ARHGAP15: variants seen among roughly 807,000 people sequenced by gnomAD.
ARHGAP15 encodes Rho GTPase activating protein 15, also known as rho GTPase-activating protein 15.
ARHGAP15 carries 51 observed loss-of-function variants against 63.7 expected under a neutral mutation model. That is an observed-to-expected ratio of 0.80 (90% CI 0.64 to 1.01). ARHGAP15 has a LOEUF of 1.01. ARHGAP15 is among the 50% of genes least tolerant of loss of function. The pLI, the probability that ARHGAP15 is intolerant of heterozygous loss-of-function variation, is 0.00. For synonymous variants in ARHGAP15, 191 were observed against 193.8 expected (o/e 0.99, Z 0.12); for missense variants, 560 against 564.6 (o/e 0.99, Z 0.08).
chr2:143,352,887 A>G (rs985107201), intron 6 of ARHGAP15, among the ~76,000 whole-genome samples: 1 of 152,184 alleles, frequency 6.6e-6, no homozygotes, highest in Non-Finnish European at 1.5e-5. Context: ...GTTGTAAATA[A>G]ATCTTTCTTA....
chr2:143,176,242 T>C (rs1691004800), intron 2 of ARHGAP15, among the ~76,000 whole-genome samples: 2 of 152,174 alleles, frequency 1.3e-5, no homozygotes, highest in South Asian at 4.1e-4. Flanking sequence ...TGAGCAATTA[T>C]ATAAGAAAAC....
chr2:143,286,077 A>AT, intron 6 of ARHGAP15, among the ~76,000 whole-genome samples: 1 of 152,204 alleles, frequency 6.6e-6, no homozygotes, highest in Non-Finnish European at 1.5e-5. Context: ...CTCTGTTGTG[A>AT]TTTAATCTTT....
At chr2:143,563,557 C>T (rs747475786) in intron 11 of ARHGAP15, among the ~76,000 whole-genome samples, 10 of 151,998 alleles carry the variant, frequency 6.6e-5, no homozygotes, top group South Asian at 2.1e-4. Flanking sequence ...AGAAGGGGAG[C>T]GAAGTCTACT....
At chr2:143,214,989 T>C (rs1266180927) in intron 3 of ARHGAP15, among the ~76,000 whole-genome samples, 1 of 152,220 alleles carries the variant, frequency 6.6e-6, no homozygotes, top group Non-Finnish European at 1.5e-5. Context: ...TACTTATTTG[T>C]TCAAACAGTT....
At chr2:143,145,839 G>GTGT (rs1689560660) in intron 1 of ARHGAP15, among the ~76,000 whole-genome samples, 3 of 142,726 alleles carry the variant, frequency 2.1e-5, no homozygotes, top group Non-Finnish European at 4.6e-5. Flanking sequence ...TATGTATAGG[G>GTGT]GTGTGTGTGT....
At chr2:143,577,450 C>T (rs1297253068) in intron 11 of ARHGAP15, among the ~76,000 whole-genome samples, 1 of 151,902 alleles carries the variant, frequency 6.6e-6, no homozygotes, top group Non-Finnish European at 1.5e-5. Flanking sequence ...GGATTTTTTT[C>T]CTTTATGTAA....
At chr2:143,664,176 T>A (rs1233696110) in intron 12 of ARHGAP15, among the ~76,000 whole-genome samples, 2 of 152,074 alleles carry the variant, frequency 1.3e-5, no homozygotes, top group African/African-American at 4.8e-5. Context: ...AGTAAAGCTC[T>A]CCTCAGCAAA....
intron 11 of ARHGAP15, among the ~76,000 whole-genome samples, chr2:143,594,190 C>T (rs1462130068): frequency 1.3e-5 from 2 of 152,098 alleles, no homozygotes; most frequent in African/African-American, 4.8e-5. Context: ...CAATGTAACT[C>T]CAGACATTAA....
chr2:143,760,224 C>CTAA (rs1319362001), intron 13 of ARHGAP15, among the ~76,000 whole-genome samples: 14 of 152,074 alleles, frequency 9.2e-5, no homozygotes, highest in Non-Finnish European at 2.1e-4. Context: ...CAAATTTTCT[C>CTAA]TAATAGAATG....
intron 6 of ARHGAP15, among the ~76,000 whole-genome samples, chr2:143,273,148 G>C (rs1405887824): frequency 6.6e-6 from 1 of 151,630 alleles, no homozygotes; most frequent in Admixed American, 6.6e-5. Flanking sequence ...ATTGCTATTT[G>C]TGAACACTAT....
chr2:143,216,542 G>A (rs1692764649), intron 4 of ARHGAP15, 97 bp downstream of exon 4: 4 of 836,986 alleles, frequency 4.8e-6, no homozygotes, highest in Middle Eastern at 2.3e-4. Context: ...AGTCCCTATG[G>A]TACCAGACTA....
intron 6 of ARHGAP15, among the ~76,000 whole-genome samples, chr2:143,269,978 T>C (rs1681190493): frequency 6.6e-6 from 1 of 152,182 alleles, no homozygotes; most frequent in Non-Finnish European, 1.5e-5. Context: ...TGTTACTTTT[T>C]TTTGTTTTTT....
chr2:143,190,834 A>G, intron 2 of ARHGAP15, among the ~76,000 whole-genome samples: 1 of 152,176 alleles, frequency 6.6e-6, no homozygotes. Flanking sequence ...GCAGGGGTGC[A>G]ATCTCGGCTC....
At chr2:143,474,505 A>G (rs1691723593) in intron 8 of ARHGAP15, among the ~76,000 whole-genome samples, 1 of 152,204 alleles carries the variant, frequency 6.6e-6, no homozygotes, top group South Asian at 2.1e-4. Flanking sequence ...AGTAGTGGGC[A>G]CCTCGAACAA....
intron 12 of ARHGAP15, among the ~76,000 whole-genome samples, chr2:143,697,842 G>T (rs1683919155): frequency 6.6e-6 from 1 of 152,158 alleles, no homozygotes; most frequent in African/African-American, 2.4e-5. Context: ...CCTTCCTCCT[G>T]TAAGCAAGCA....
At chr2:143,477,801 G>C (rs940273402) in intron 8 of ARHGAP15, among the ~76,000 whole-genome samples, 2 of 152,180 alleles carry the variant, frequency 1.3e-5, no homozygotes, top group Admixed American at 1.3e-4. Flanking sequence ...TTTTCCCCAA[G>C]TCCTGATCCT....
intron 6 of ARHGAP15, among the ~76,000 whole-genome samples, chr2:143,412,510 T>C (rs911060848): frequency 6.6e-6 from 1 of 152,220 alleles, no homozygotes; most frequent in Non-Finnish European, 1.5e-5. Context: ...CACAGGTTTC[T>C]TGTGAAAATT....
intron 11 of ARHGAP15, among the ~76,000 whole-genome samples, chr2:143,569,925 G>A (rs75541346): frequency 6.6e-6 from 1 of 151,954 alleles, no homozygotes; most frequent in Non-Finnish European, 1.5e-5. Flanking sequence ...AAAGTGTAGA[G>A]AGAAGAGTGG....
chr2:143,492,986 A>C (rs1692652130), intron 9 of ARHGAP15, among the ~76,000 whole-genome samples: 1 of 151,814 alleles, frequency 6.6e-6, no homozygotes, highest in South Asian at 2.1e-4. Context: ...TGAACCCCTG[A>C]GGCGGAGCTT....
Sources: gnomAD v4.1 joint callset for allele counts (sites outside exome capture counted in the v4.1 genomes callset) on GRCh38, gnomAD v4.1.1 for gene constraint, MANE v1.5 for transcripts, NCBI Gene and HGNC (gene_info 2026-07-23, HGNC 2026-07-21) for gene names.